The following HERC2 variants were observed in gnomAD, a reference collection of about 807,000 sequenced individuals.
HERC2 encodes HECT and RLD domain containing E3 ubiquitin protein ligase 2.
Under a neutral mutation model 537.7 loss-of-function variants are expected in HERC2, and 102 were observed. The observed-to-expected ratio is 0.19, with a 90% CI of 0.16 to 0.22. The LOEUF (loss-of-function observed/expected upper bound fraction) is 0.22, where lower values mean the gene tolerates loss of function less well. Ranked by LOEUF, HERC2 falls within the 10% of genes least tolerant of loss-of-function variation. The pLI, the probability that HERC2 is intolerant of heterozygous loss-of-function variation, is 1.00. For missense variants in HERC2, 4,236 were observed against 6,198.2 expected, an observed-to-expected ratio of 0.68 and a Z score of 10.63; for synonymous variants, 2,224 against 2,466.2, an observed-to-expected ratio of 0.90 and a Z score of 2.91.
chr15:28,163,413 A>G, intron 68 of HERC2, 128 bp from the exon 69 acceptor site: 1 of 763,158 alleles, frequency 1.3e-6, no homozygotes, highest in Non-Finnish European at 2.1e-6. Context: ...GGTGTTTAAG[A>G]CCTTAAGAAA....
In HERC2 at chr15:28,122,765, G is replaced by A. The variant is rs531654682; in HGVS notation, c.13188+1272C>T. ...CCCTGACCAGAGGTACCTTTCAGAC[G>A]CCCTCAGCACTCCCCTGCTCTCCTG... On this transcript the variant is annotated intron_variant, in intron 85 of 92. Transcript: ENST00000261609. This position sits in a 1 kb window ranked among gnomAD's most constrained non-coding sequence, Gnocchi z 4.1. 3.0e-4 allele frequency among the ~76,000 whole-genome samples: 46 copies of A among 152,102 alleles called. No individual in the cohort carries two copies. Among genetic ancestry groups the A allele is most frequent in the African/African-American group, 1.0e-3 (43 of 41,492 alleles).
intron 23 of HERC2, among the ~76,000 whole-genome samples, chr15:28,245,524 G>A (rs1318761457): frequency 6.8e-6 from 1 of 148,126 alleles, no homozygotes; most frequent in African/African-American, 2.5e-5. Context: ...TCCAGCCTGG[G>A]CAACAGAGCA....
intron 70 of HERC2, among the ~76,000 whole-genome samples, chr15:28,148,037 CAAA>C (rs539057001): frequency 1.1e-5 from 1 of 93,732 alleles, no homozygotes; most frequent in Non-Finnish European, 2.2e-5. Flanking sequence ...ACTGTGTCTC[CAAA>C]AAAAAAAAAA....
intron 3 of HERC2, among the ~76,000 whole-genome samples, chr15:28,295,390 T>C (rs1180953232): frequency 1.3e-5 from 2 of 151,426 alleles, no homozygotes; most frequent in East Asian, 3.9e-4. Flanking sequence ...AGCCTCTTTG[T>C]GTATGGTCTG....
chr15:28,210,478 C>G (rs1899070681), intron 44 of HERC2, among the ~76,000 whole-genome samples: 1 of 152,126 alleles, frequency 6.6e-6, no homozygotes, highest in Non-Finnish European at 1.5e-5. Context: ...GTGATAAAGT[C>G]CCACGGAATG....
intron 28 of HERC2, 41 bp downstream of exon 28, chr15:28,233,623 T>C: frequency 6.2e-7 from 1 of 1,613,558 alleles, no homozygotes; most frequent in Admixed American, 1.7e-5. Flanking sequence ...AGTCGAGGAA[T>C]CTGCAGTGTA....
chr15:28,146,890 A>T (rs1043304208), intron 70 of HERC2, among the ~76,000 whole-genome samples: 2 of 132,656 alleles, frequency 1.5e-5, no homozygotes, highest in Non-Finnish European at 3.1e-5. Flanking sequence ...AGGCCGGGAA[A>T]GAGGCAGGGG....
chr15:28,192,224 C>A, intron 52 of HERC2, 73 bp from the exon 53 acceptor site: 1 of 1,273,550 alleles, frequency 7.9e-7, no homozygotes, highest in South Asian at 1.4e-5. Context: ...AAGAATATTA[C>A]ATAGTAAGGA....
intron 64 of HERC2, 129 bp downstream of exon 64, chr15:28,175,383 T>C (rs1446589529): frequency 3.3e-6 from 3 of 909,452 alleles, no homozygotes; most frequent in Non-Finnish European, 5.0e-6. Context: ...GCCCTCATGG[T>C]TCTCCAAGCA....
intron 69 of HERC2, among the ~76,000 whole-genome samples, chr15:28,155,946 G>GT (rs1482243930): frequency 6.6e-6 from 1 of 152,154 alleles, no homozygotes; most frequent in Non-Finnish European, 1.5e-5. Flanking sequence ...TGTGTAAGGT[G>GT]TAAGGAAGGG....
At chr15:28,166,616 A>G (rs1466381510) in intron 68 of HERC2, among the ~76,000 whole-genome samples, 1 of 152,218 alleles carries the variant, frequency 6.6e-6, no homozygotes, top group Non-Finnish European at 1.5e-5. Context: ...ATAAGTCTAG[A>G]GCACAGTTGT....
chr15:28,230,019 T>A (rs1388988258), intron 31 of HERC2, among the ~76,000 whole-genome samples, 172 bp from the exon 32 acceptor site: 1 of 152,228 alleles, frequency 6.6e-6, no homozygotes, highest in Non-Finnish European at 1.5e-5. Flanking sequence ...GATTTTATAA[T>A]CTCTATACTA....
At position 28,177,531 on chromosome 15, in the gene HERC2, G is replaced by A. The variant is rs761942158; in HGVS notation, c.9164-22C>T. 4.3e-6 allele frequency: 7 copies of A among 1,611,824 alleles called. No homozygotes were observed. The highest frequency in any genetic ancestry group is 5.9e-6 in the Non-Finnish European group (7 of 1,178,082). On this transcript the variant is annotated intron_variant, in intron 59 of 92. Transcript: ENST00000261609. This position sits in a 1 kb window ranked among gnomAD's most constrained non-coding sequence, Gnocchi z 5.0. ...CCACCTGCAACATTCACAGACACAC[G>A]GATTGCCAAAGGGCAGGGAACAGAA... is the stretch of plus-strand genomic sequence containing the variant.
intron 2 of HERC2, among the ~76,000 whole-genome samples, chr15:28,304,085 C>T (rs2076709585): frequency 7.2e-6 from 1 of 139,400 alleles, no homozygotes; most frequent in African/African-American, 2.7e-5. Flanking sequence ...AGGATCGCTT[C>T]AACCCAGGAG....
intron 38 of HERC2, 72 bp from the exon 39 acceptor site, chr15:28,215,874 T>G (rs1212720309): frequency 4.0e-6 from 4 of 994,250 alleles, no homozygotes; most frequent in Non-Finnish European, 4.5e-6. Flanking sequence ...TATCCTTATT[T>G]TTTTATCAAC....
chr15:28,130,564 T>C lies in HERC2; in HGVS notation c.12601A>G (p.Lys4201Glu), dbSNP rs761764062. 3.2e-5 allele frequency: 51 copies of C among 1,613,854 alleles called. No individual in the cohort carries two copies. Among genetic ancestry groups the C allele is most frequent in the Admixed American group, 8.3e-5 (5 of 59,996 alleles). Residue 4201 changes from lysine to glutamate, a missense_variant, in exon 82 of 93, where the codon AAA (lysine) becomes GAA (glutamate). Physicochemically the swap from Lys to Glu is moderately conservative, Grantham distance 56. Around this residue, in one of 27 missense-constraint regions of HERC2, gnomAD observed 38 missense variants for 36.7 expected, o/e 1.04. Coordinates refer to ENST00000261609, the MANE Select transcript of HERC2 (RefSeq NM_004667.6). ...IDSLTGLGVVKVECGSQFSVA... is the reference protein window; with the variant it reads ...IDSLTGLGVVEVECGSQFSVA... Reference sequence around the variant, plus strand: ...GAAAACTGGGATCCGCATTCCACTTTAACTACTCCAAGACCAGTAAGAGAA... The same window carrying C: ...GAAAACTGGGATCCGCATTCCACTTCAACTACTCCAAGACCAGTAAGAGAA...
intron 35 of HERC2, among the ~76,000 whole-genome samples, chr15:28,222,829 A>G (rs1166878876): frequency 1.3e-5 from 2 of 152,128 alleles, no homozygotes; most frequent in Non-Finnish European, 1.5e-5. Flanking sequence ...TGCCCGTGTG[A>G]TCAGCCCTAA....
chr15:28,247,879 A>G (rs1310796710), intron 21 of HERC2, among the ~76,000 whole-genome samples: 1 of 152,164 alleles, frequency 6.6e-6, no homozygotes, highest in Non-Finnish European at 1.5e-5. Flanking sequence ...TTACTTTGGG[A>G]AAAAAACAGC....
chr15:28,206,690 G>T (rs1898489033), intron 44 of HERC2, among the ~76,000 whole-genome samples: 1 of 151,452 alleles, frequency 6.6e-6, no homozygotes, highest in African/African-American at 2.4e-5. Flanking sequence ...AACATTAGCT[G>T]GGCATGGTGG....
Sources: allele counts gnomAD v4.1 joint callset (sites outside exome capture counted in the v4.1 genomes callset), GRCh38; gene constraint gnomAD v4.1.1; regional missense constraint gnomAD v4.1.1; non-coding constraint Gnocchi (gnomAD v3.1); transcripts MANE v1.5; gene names NCBI Gene and HGNC (gene_info 2026-07-23, HGNC 2026-07-21).